DOT1L: variants seen among roughly 807,000 people sequenced by gnomAD.
The protein encoded by DOT1L is histone-lysine N-methyltransferase, H3 lysine-79 specific.
DOT1L carries 33 observed loss-of-function variants against 153.3 expected under a neutral mutation model. The ratio of observed to expected loss-of-function variants is 0.22; its 90% CI spans 0.16 to 0.29. The LOEUF (loss-of-function observed/expected upper bound fraction) is 0.29, where lower values mean the gene tolerates loss of function less well. DOT1L is among the 10% of genes least tolerant of loss of function. DOT1L has a pLI of 1.00. For missense variants in DOT1L, 1,847 were observed against 2,119.9 expected, an observed-to-expected ratio of 0.87 and a Z score of 2.53; for synonymous variants, 1,135 against 965.1, an observed-to-expected ratio of 1.18 and a Z score of -3.26.
intron 3 of DOT1L, among the ~76,000 whole-genome samples, chr19:2,187,987 G>A (rs1568338053): frequency 5.9e-4 from 89 of 151,838 alleles, no homozygotes; most frequent in African/African-American, 1.7e-3. Flanking sequence ...TGGAGCTGCG[G>A]GGAAGGCGGG....
At chr19:2,201,546 T>G (rs1472759467) in intron 8 of DOT1L, among the ~76,000 whole-genome samples, 1 of 152,192 alleles carries the variant, frequency 6.6e-6, no homozygotes, top group Non-Finnish European at 1.5e-5. Flanking sequence ...TTTCCTAGGT[T>G]CGCTCTCCTG....
intron 27 of DOT1L, chr19:2,228,647 G>T: frequency 1.0e-6 from 1 of 985,410 alleles, no homozygotes; most frequent in South Asian, 4.7e-5. Context: ...AGCCCTGGGG[G>T]CAGCTGTGCC....
At chr19:2,166,416 T>A (rs1486498744) in intron 1 of DOT1L, among the ~76,000 whole-genome samples, 1 of 149,268 alleles carries the variant, frequency 6.7e-6, no homozygotes, top group Non-Finnish European at 1.5e-5. Flanking sequence ...TTATTTATAT[T>A]TATTTATTTT....
At chr19:2,228,620 G>A (rs1317904653) in intron 27 of DOT1L, 4 of 985,262 alleles carry the variant, frequency 4.1e-6, no homozygotes, top group Admixed American at 6.1e-5. Flanking sequence ...CTGCGGTGAC[G>A]CCGCAGGACT....
At chr19:2,195,608 A>G (rs992519716) in intron 7 of DOT1L, among the ~76,000 whole-genome samples, 2 of 151,874 alleles carry the variant, frequency 1.3e-5, no homozygotes, top group African/African-American at 4.8e-5. Flanking sequence ...CAGCCCCTCG[A>G]GCCTCAGAGC....
At chr19:2,164,397 C>G (rs996557324) in intron 1 of DOT1L, 132 bp downstream of exon 1, 8 of 532,672 alleles carry the variant, frequency 1.5e-5, no homozygotes, top group African/African-American at 2.0e-5. Flanking sequence ...TCCACTGTCG[C>G]TGCTCCACCC....
chr19:2,191,389 T>TG lies in DOT1L; in HGVS notation c.493+153dup, dbSNP rs1403884136. The TG allele has an allele frequency of 3.7e-6, 3 of 814,940 alleles. No individual in the cohort carries two copies. Among genetic ancestry groups the TG allele is most frequent in the African/African-American group, 1.7e-5 (1 of 58,648 alleles). 50.5% of individuals were successfully genotyped at this position (814,940 alleles called of 1,614,324 possible). The stretch of plus-strand genomic sequence containing the variant: ...TTCTCCCAGCGCCTCTGTCCCGCTG[T>TG]GGGGCCGTTCCTTTCCCCAGCCCTG... On this transcript the variant is annotated intron_variant, in intron 5 of 27. Transcript: ENST00000398665. This position sits in a 1 kb window ranked among gnomAD's most constrained non-coding sequence, Gnocchi z 6.8.
chr19:2,218,097 G>A (rs1214006082), intron 22 of DOT1L, among the ~76,000 whole-genome samples, 179 bp downstream of exon 22: 6 of 152,226 alleles, frequency 3.9e-5, no homozygotes, highest in South Asian at 4.1e-4. Context: ...CGTTGTTTTC[G>A]CCAGTCTTTT....
intron 1 of DOT1L, among the ~76,000 whole-genome samples, chr19:2,180,321 G>A (rs571916607): frequency 1.3e-5 from 2 of 152,312 alleles, no homozygotes; most frequent in East Asian, 3.9e-4. Flanking sequence ...TGCGGAGCGC[G>A]GTCTGAGGGA....
Position 2,229,454 on chromosome 19 carries a change from A to G in DOT1L, c.4607-331A>G, listed in dbSNP as rs531537678. On this transcript the variant is annotated intron_variant, in intron 27 of 27. Coordinates refer to ENST00000398665, the MANE Select transcript of DOT1L (RefSeq NM_032482.3). Reference sequence around the variant, plus strand: ...CAGGGCTGGTCAGCCTGGCGGGTCAATGCGGGCACCTGCGGGCTGGACAAG... The same window carrying G: ...CAGGGCTGGTCAGCCTGGCGGGTCAGTGCGGGCACCTGCGGGCTGGACAAG... 4.9e-5 allele frequency: 48 copies of G among 985,464 alleles called. No homozygotes were observed. In the East Asian group the frequency reaches 1.7e-3, roughly 35 times the overall value. 61.0% of individuals were successfully genotyped at this position (985,464 alleles called of 1,614,324 possible). A position where few individuals can be genotyped will look rare whatever the true frequency, so the allele number is the denominator to read the frequency against.
chr19:2,192,635 G>A (rs12974547), intron 5 of DOT1L, among the ~76,000 whole-genome samples: 54,350 of 148,974 alleles, frequency 0.36, 10,558 homozygotes, highest in Middle Eastern at 0.49. Context: ...ATCGCATCAC[G>A]GCACTCCGGC....
chr19:2,164,203 C>G lies in DOT1L; in HGVS notation c.19C>G (p.Leu7Val), dbSNP rs780708540. The change falls in exon 1 of 28, where the codon CTG (leucine) becomes GTG (valine). Residue 7 changes from leucine (L) to valine (V), a missense_variant. Physicochemically the swap from Leu to Val is conservative, Grantham distance 32. Coordinates refer to ENST00000398665, the MANE Select transcript of DOT1L (RefSeq NM_032482.3). MGEKLELRLKSPVGAEP... is the reference protein window; with the variant it reads MGEKLEVRLKSPVGAEP... ...CGCGGACATGGGGGAGAAGCTGGAG[C>G]TGAGACTGAAGTCGCCCGTGGGGGC... is the stretch of plus-strand genomic sequence containing the variant. 1.6e-6 allele frequency: 2 copies of G among 1,272,834 alleles called. No individual in the cohort carries two copies. Among genetic ancestry groups the G allele is most frequent in the Non-Finnish European group, 2.0e-6 (2 of 1,007,904 alleles). The allele number at this position is 1,272,834 out of a possible 1,614,324, so 78.8% of individuals were successfully genotyped here.
chr19:2,207,993 G>A lies in DOT1L; in HGVS notation c.963+313G>A, dbSNP rs903191352. ...ATGTGTGACCATAAGGGTCCCGGCC[G>A]CCATATCCAGAGGCCCCTGTGGATA... On this transcript the variant is annotated intron_variant, in intron 11 of 27. Transcript: ENST00000398665. This position sits in a 1 kb window ranked among gnomAD's most constrained non-coding sequence, Gnocchi z 4.5. Among the ~76,000 whole-genome samples the A allele has an allele frequency of 1.3e-5, 2 of 152,096 alleles. No homozygotes were observed. The highest frequency in any genetic ancestry group is 4.8e-5 in the African/African-American group (2 of 41,418).
Position 2,193,887 on chromosome 19 carries a change from G to A in DOT1L, c.588+104G>A. On this transcript the variant is annotated intron_variant, in intron 6 of 27. Transcript: ENST00000398665. This position sits in a 1 kb window ranked among gnomAD's most constrained non-coding sequence, Gnocchi z 5.9. ...ACTGCTGTGGGACTTCCGAGTCTGG[G>A]TGGCGTTCTTTCCAGGCCCAAGACG... 12 of 1,251,526 alleles carry A rather than the reference G, an allele frequency of 9.6e-6. No homozygotes were observed. The highest frequency in any genetic ancestry group is 1.3e-5 in the Non-Finnish European group (12 of 897,138). The allele number at this position is 1,251,526 out of a possible 1,614,324, so 77.5% of individuals were successfully genotyped here. A position where few individuals can be genotyped will look rare whatever the true frequency, so the allele number is the denominator to read the frequency against.
At position 2,217,721 on chromosome 19, in the gene DOT1L, T is replaced by C. The variant is rs766462447; in HGVS notation, c.2545-51T>C. 1.3e-6 allele frequency: 2 copies of C among 1,565,284 alleles called. No homozygotes were observed. The highest frequency in any genetic ancestry group is 1.7e-6 in the Non-Finnish European group (2 of 1,156,312). Reference sequence around the variant, plus strand: ...CCGTCCTGTGGCTGTGGTCCCTGTGTCCTGGAGGGGTTTGTTGACCCACGA... The same window carrying C: ...CCGTCCTGTGGCTGTGGTCCCTGTGCCCTGGAGGGGTTTGTTGACCCACGA... On this transcript the variant is annotated intron_variant, in intron 21 of 27. Transcript: ENST00000398665. This position sits in a 1 kb window ranked among gnomAD's most constrained non-coding sequence, Gnocchi z 7.3.
chr19:2,192,987 C>T (rs990401627), intron 5 of DOT1L, among the ~76,000 whole-genome samples: 3 of 152,184 alleles, frequency 2.0e-5, no homozygotes, highest in African/African-American at 7.2e-5. Flanking sequence ...CCATTGTGGT[C>T]GCTCCATGGT....
rs976790647 is a variant in DOT1L, at chr19:2,204,907, C to T, written c.788-1822C>T. ...GAATGCCAGGCCTGGGCTGGTGTGG[C>T]GTCCAGGGGAGGAGAGCTGGGATGG... On this transcript the variant is annotated intron_variant, in intron 9 of 27. Coordinates refer to ENST00000398665, the MANE Select transcript of DOT1L (RefSeq NM_032482.3). This position sits in a 1 kb window ranked among gnomAD's most constrained non-coding sequence, Gnocchi z 5.7. Among the ~76,000 whole-genome samples the T allele has an allele frequency of 2.0e-4, 30 of 151,948 alleles. No individual in the cohort carries two copies. Among genetic ancestry groups the T allele is most frequent in the Admixed American group, 1.6e-3 (24 of 15,258 alleles).
intron 1 of DOT1L, among the ~76,000 whole-genome samples, chr19:2,174,992 G>A (rs866529092): frequency 1.0e-5 from 1 of 98,052 alleles, no homozygotes; most frequent in Non-Finnish European, 1.9e-5. Flanking sequence ...GTGTGTGTGT[G>A]TGTATATATA....
Position 2,220,347 on chromosome 19 carries a change from A to T in DOT1L, c.2806+125A>T. 1.1e-6 allele frequency: 1 copy of T among 922,388 alleles called. No homozygotes were observed. The allele number at this position is 922,388 out of a possible 1,614,324, so 57.1% of individuals were successfully genotyped here. ...GTGATCATGGGGGCTGCTGCCCCAA[A>T]CCGCCACGCCTCATTACTGACACCC... On this transcript the variant is annotated intron_variant, in intron 23 of 27. Transcript: ENST00000398665. The surrounding 1 kb of genome is among the most constrained non-coding windows in gnomAD (Gnocchi z 4.5).
Sources: gnomAD v4.1 joint callset for allele counts (sites outside exome capture counted in the v4.1 genomes callset) on GRCh38, gnomAD v4.1.1 for gene constraint, Gnocchi (gnomAD v3.1) non-coding constraint, MANE v1.5 for transcripts, NCBI Gene and HGNC (gene_info 2026-07-23, HGNC 2026-07-21) for gene names.